Variants in SPAG9 observed in about 807,000 individuals in gnomAD.
SPAG9 encodes C-Jun-amino-terminal kinase-interacting protein 4.
SPAG9 carries 35 observed loss-of-function variants against 166.5 expected under a neutral mutation model. That is an observed-to-expected ratio of 0.21 (90% CI 0.16 to 0.28). SPAG9 has a LOEUF of 0.28. Ranked by LOEUF, SPAG9 falls within the 10% of genes least tolerant of loss-of-function variation. SPAG9 has a pLI of 1.00. For missense variants in SPAG9, 1,235 were observed against 1,603.3 expected (o/e 0.77, Z 3.92); for synonymous variants, 534 against 565.5 (o/e 0.94, Z 0.79).
At chr17:51,041,887 A>C (rs2046851987) in intron 4 of SPAG9, among the ~76,000 whole-genome samples, 1 of 152,198 alleles carries the variant, frequency 6.6e-6, no homozygotes, top group African/African-American at 2.4e-5. Flanking sequence ...AGGGTTAAGG[A>C]AATCTTAAAA....
intron 6 of SPAG9, among the ~76,000 whole-genome samples, chr17:51,024,337 TATTA>T (rs1383340502): frequency 5.9e-5 from 9 of 152,336 alleles, no homozygotes; most frequent in African/African-American, 1.7e-4. Context: ...ACTGTATCAC[TATTA>T]ATTACAGTAT....
Position 51,089,659 on chromosome 17 carries a change from T to TACAC in SPAG9, c.304-9956_304-9955insGTGT, listed in dbSNP as rs1225367095. 4.4e-3 allele frequency among the ~76,000 whole-genome samples: 454 copies of TACAC among 103,042 alleles called. 6 individuals are homozygous for TACAC. Among genetic ancestry groups the TACAC allele is most frequent in the African/African-American group, 0.017 (433 of 25,242 alleles). 67.6% of individuals were successfully genotyped at this position (103,042 alleles called of 152,430 possible). A position where few individuals can be genotyped will look rare whatever the true frequency, so the allele number is the denominator to read the frequency against. On this transcript the variant is annotated intron_variant, in intron 1 of 29. Transcript: ENST00000262013. ...ATATATATATATATATATATATATA[T>TACAC]ATATACACATACACACACACACTTT...
At chr17:51,020,311 A>G (rs2045892367) in intron 7 of SPAG9, 53 bp from the exon 8 acceptor site, 4 of 1,198,784 alleles carry the variant, frequency 3.3e-6, no homozygotes, top group South Asian at 2.6e-5. Flanking sequence ...CAGTACCCCA[A>G]TATAAAAATC....
intron 5 of SPAG9, among the ~76,000 whole-genome samples, chr17:51,035,908 C>T (rs1371178096): frequency 6.6e-6 from 1 of 152,110 alleles, no homozygotes; most frequent in Non-Finnish European, 1.5e-5. Context: ...TGTGCATGTT[C>T]TATGCCAGCC....
intron 1 of SPAG9, among the ~76,000 whole-genome samples, chr17:51,090,431 G>A (rs567754958): frequency 2.0e-5 from 3 of 152,156 alleles, no homozygotes; most frequent in Non-Finnish European, 4.4e-5. Flanking sequence ...TGAGACAGGA[G>A]AATTGCTTGA....
At chr17:51,035,573 G>A (rs2046554714) in intron 5 of SPAG9, among the ~76,000 whole-genome samples, 1 of 152,170 alleles carries the variant, frequency 6.6e-6, no homozygotes, top group Admixed American at 6.5e-5. Context: ...CTCTCAACAA[G>A]AATGCTGGCT....
intron 10 of SPAG9, 129 bp from the exon 11 acceptor site, chr17:51,006,366 A>C: frequency 2.4e-6 from 2 of 847,600 alleles, no homozygotes; most frequent in Non-Finnish European, 3.5e-6. Flanking sequence ...ATTCTACCCA[A>C]TGTTGTTTGT....
At chr17:51,056,381 T>C (rs2047363820) in intron 3 of SPAG9, 31 bp downstream of exon 3, 2 of 1,251,564 alleles carry the variant, frequency 1.6e-6, no homozygotes, top group Non-Finnish European at 2.3e-6. Context: ...GTCTCAATAA[T>C]AGCATGGTAA....
intron 1 of SPAG9, among the ~76,000 whole-genome samples, chr17:51,107,608 G>A (rs918797807): frequency 2.6e-5 from 4 of 151,632 alleles, no homozygotes; most frequent in Non-Finnish European, 2.9e-5. Context: ...ATGGTGGCAC[G>A]CGCCTATACT....
chr17:51,037,685 A>ATATAGTGTGTGTGTGTGTGTGT, intron 5 of SPAG9, among the ~76,000 whole-genome samples: 1 of 83,492 alleles, frequency 1.2e-5, no homozygotes, highest in African/African-American at 3.9e-5. Context: ...ATATATATAT[A>ATATAGTGTGTGTGTGTGTGTGT]GTGTGTGTGT....
In SPAG9 at chr17:50,975,758, A is replaced by G. The variant is rs1038475681; in HGVS notation, c.3524-811T>C. The G allele has an allele frequency of 1.6e-5, 14 of 859,506 alleles. No individual in the cohort carries two copies. In the Admixed American group the frequency reaches 2.3e-4, roughly 14 times the overall value. 53.2% of individuals were successfully genotyped at this position (859,506 alleles called of 1,614,324 possible). ...GCTGCGATGCAGTGACTGCAAGTGG[A>G]TAACATTTAGGAACATTCAAGAGGG... On this transcript the variant is annotated intron_variant, in intron 27 of 29. Coordinates refer to ENST00000262013, the MANE Select transcript of SPAG9 (RefSeq NM_001130528.3).
At chr17:50,972,805 G>C (rs1281226997) in intron 28 of SPAG9, among the ~76,000 whole-genome samples, 1 of 152,244 alleles carries the variant, frequency 6.6e-6, no homozygotes, top group East Asian at 1.9e-4. Flanking sequence ...ACTTCTGTTG[G>C]TAGACGAGTT....
chr17:50,987,425 G>A (rs1319100845), intron 21 of SPAG9, among the ~76,000 whole-genome samples, 188 bp from the exon 22 acceptor site: 1 of 151,836 alleles, frequency 6.6e-6, no homozygotes, highest in Non-Finnish European at 1.5e-5. Context: ...CTGCAGCCTT[G>A]ACCTCTCAGG....
intron 27 of SPAG9, chr17:50,976,893 TG>T: frequency 2.4e-6 from 1 of 423,930 alleles, no homozygotes; most frequent in Non-Finnish European, 4.2e-6. Flanking sequence ...ACTGTGAAAA[TG>T]TTTTGACAAC....
intron 1 of SPAG9, among the ~76,000 whole-genome samples, chr17:51,119,033 CA>C (rs3079111): frequency 0.088 from 8,428 of 96,000 alleles, 135 homozygotes; most frequent in Non-Finnish European, 0.1. Flanking sequence ...GACTACGTCT[CA>C]AAAAAAAAAA....
intron 1 of SPAG9, among the ~76,000 whole-genome samples, chr17:51,096,381 A>C (rs2144716205): frequency 6.6e-6 from 1 of 152,104 alleles, no homozygotes; most frequent in African/African-American, 2.4e-5. Flanking sequence ...GAAAGAAAGA[A>C]GTGGTTTCAA....
chr17:51,059,943 A>C (rs538085872), intron 2 of SPAG9, among the ~76,000 whole-genome samples: 6 of 152,136 alleles, frequency 3.9e-5, no homozygotes, highest in Admixed American at 3.3e-4. Flanking sequence ...ACATTCTCAA[A>C]ATAGAGATGG....
At chr17:51,012,088 T>C (rs2045508827) in intron 9 of SPAG9, among the ~76,000 whole-genome samples, 1 of 152,184 alleles carries the variant, frequency 6.6e-6, no homozygotes, top group African/African-American at 2.4e-5. Context: ...GTATATTGAT[T>C]CTGGTGAATT....
At chr17:51,088,425 T>C (rs2048357283) in intron 1 of SPAG9, among the ~76,000 whole-genome samples, 1 of 152,190 alleles carries the variant, frequency 6.6e-6, no homozygotes, top group Non-Finnish European at 1.5e-5. Flanking sequence ...CAAAGACGTA[T>C]CATAAACATT....
Sources: gnomAD v4.1 joint callset for allele counts (sites outside exome capture counted in the v4.1 genomes callset) on GRCh38, gnomAD v4.1.1 for gene constraint, MANE v1.5 for transcripts, NCBI Gene and HGNC (gene_info 2026-07-23, HGNC 2026-07-21) for gene names.